ASTN2: variants seen among roughly 807,000 people sequenced by gnomAD.
ASTN2 encodes astrotactin 2.
ASTN2 carries 54 observed loss-of-function variants against 139.8 expected under a neutral mutation model. The ratio of observed to expected loss-of-function variants is 0.39; its 90% CI spans 0.31 to 0.48. The LOEUF is 0.48. Ranked by LOEUF, ASTN2 falls within the 20% of genes least tolerant of loss-of-function variation. The pLI, the probability that ASTN2 is intolerant of heterozygous loss-of-function variation, is 0.95. For missense variants in ASTN2, 1,565 were observed against 1,725.1 expected (o/e 0.91, Z 1.64); for synonymous variants, 756 against 719.5 (o/e 1.05, Z -0.81).
intron 3 of ASTN2, among the ~76,000 whole-genome samples, chr9:117,178,159 C>G (rs769059054): frequency 2.0e-5 from 3 of 152,176 alleles, no homozygotes; most frequent in Non-Finnish European, 4.4e-5. Context: ...ATTCTTTATT[C>G]TCTCTACTCC....
intron 11 of ASTN2, among the ~76,000 whole-genome samples, chr9:116,839,480 C>T (rs952324959): frequency 8.6e-5 from 13 of 151,732 alleles, no homozygotes; most frequent in African/African-American, 2.9e-4. Flanking sequence ...CCCCAAAGAT[C>T]GTTCATGTAC....
At chr9:116,923,757 C>T (rs1196749519) in intron 10 of ASTN2, among the ~76,000 whole-genome samples, 1 of 152,196 alleles carries the variant, frequency 6.6e-6, no homozygotes, top group African/African-American at 2.4e-5. Context: ...TGGAAGAAAG[C>T]TCAGCAGAGG....
At chr9:116,922,418 AG>A (rs1196783958) in intron 10 of ASTN2, among the ~76,000 whole-genome samples, 2 of 152,112 alleles carry the variant, frequency 1.3e-5, no homozygotes, top group Non-Finnish European at 2.9e-5. Flanking sequence ...TCATAGACTC[AG>A]GGGGCAATTT....
Position 117,016,658 on chromosome 9 carries a change from C to CATATATAGGTT in ASTN2, c.1424-8400_1424-8399insAACCTATATAT, listed in dbSNP as rs1564386091. ...TATATATATATATATATATATATAACCTATATATATGTTACATATATATAG... is the reference window on the plus strand; with the variant it reads ...TATATATATATATATATATATATAACATATATAGGTTCTATATATATGTTACATATATATAG... On this transcript the variant is annotated intron_variant, in intron 6 of 22. Coordinates refer to ENST00000313400, the MANE Select transcript of ASTN2 (RefSeq NM_001365068.1). 8.4e-3 allele frequency among the ~76,000 whole-genome samples: 89 copies of CATATATAGGTT among 10,612 alleles called. 11 individuals are homozygous for CATATATAGGTT. The highest frequency in any genetic ancestry group is 0.034 in the East Asian group (22 of 654). 7.0% of individuals were successfully genotyped at this position (10,612 alleles called of 152,430 possible).
At chr9:116,604,869 C>T (rs1397857216) in intron 19 of ASTN2, among the ~76,000 whole-genome samples, 1 of 152,076 alleles carries the variant, frequency 6.6e-6, no homozygotes, top group Non-Finnish European at 1.5e-5. Context: ...TTAATGATAA[C>T]AGGGACAGAG....
At chr9:116,807,913 C>T (rs1831068254) in intron 12 of ASTN2, among the ~76,000 whole-genome samples, 1 of 150,616 alleles carries the variant, frequency 6.6e-6, no homozygotes, top group South Asian at 2.1e-4. Flanking sequence ...CGTTCAAGAC[C>T]AGCCCAGCCA....
chr9:116,759,397 C>T lies in ASTN2; in HGVS notation c.2397-25874G>A, dbSNP rs564676180. On this transcript the variant is annotated intron_variant, in intron 13 of 22. Coordinates refer to ENST00000313400, the MANE Select transcript of ASTN2 (RefSeq NM_001365068.1). Reference sequence around the variant, plus strand: ...CTCAAAACATACATAACCGATTGTTCGCAATTTACCTATGAGGGCTCTGAG... The same window carrying T: ...CTCAAAACATACATAACCGATTGTTTGCAATTTACCTATGAGGGCTCTGAG... Among the ~76,000 whole-genome samples the T allele has an allele frequency of 1.8e-4, 28 of 152,136 alleles. 1 individual carries two copies. Among genetic ancestry groups the T allele is most frequent in the Admixed American group, 1.4e-3 (21 of 15,262 alleles).
intron 12 of ASTN2, 88 bp from the exon 13 acceptor site, chr9:116,805,908 C>T: frequency 1.5e-6 from 2 of 1,315,798 alleles, no homozygotes; most frequent in Non-Finnish European, 2.1e-6. Context: ...CCTTTCCCTG[C>T]AAAACAGGTC....
At chr9:117,302,549 A>C (rs938468750) in intron 1 of ASTN2, among the ~76,000 whole-genome samples, 8 of 152,114 alleles carry the variant, frequency 5.3e-5, no homozygotes, top group Non-Finnish European at 1.2e-4. Context: ...TCTCCTGAAG[A>C]TGCTGCCAAG....
chr9:116,851,471 C>CATCTATCTATCTATCTATCCATCCATCT (rs1554754214), intron 11 of ASTN2, among the ~76,000 whole-genome samples: 206 of 148,984 alleles, frequency 1.4e-3, no homozygotes, highest in African/African-American at 4.8e-3. Context: ...AATTGCTAAA[C>CATCTATCTATCTATCTATCCATCCATCT]ATCTATCTAT....
chr9:117,173,195 A>G (rs971395160), intron 3 of ASTN2, among the ~76,000 whole-genome samples: 4 of 152,194 alleles, frequency 2.6e-5, no homozygotes, highest in African/African-American at 9.6e-5. Flanking sequence ...AAACCACAGC[A>G]ATCCAAAACT....
At chr9:117,348,530 A>T (rs956275501) in intron 1 of ASTN2, among the ~76,000 whole-genome samples, 1 of 152,128 alleles carries the variant, frequency 6.6e-6, no homozygotes, top group Non-Finnish European at 1.5e-5. Context: ...AGAGAAATGG[A>T]TCTATTTACT....
intron 2 of ASTN2, among the ~76,000 whole-genome samples, chr9:117,266,578 G>C (rs536860113): frequency 5.3e-5 from 8 of 152,146 alleles, no homozygotes; most frequent in Non-Finnish European, 1.2e-4. Context: ...GCTGAGCATG[G>C]TACGTCCCTT....
intron 5 of ASTN2, among the ~76,000 whole-genome samples, chr9:117,076,025 T>C (rs1828271615): frequency 6.6e-6 from 1 of 152,202 alleles, no homozygotes; most frequent in Non-Finnish European, 1.5e-5. Context: ...GCCTGCTCCA[T>C]AGGCCCTGGG....
chr9:117,053,446 T>C (rs1016502922), intron 5 of ASTN2, among the ~76,000 whole-genome samples: 44 of 147,070 alleles, frequency 3.0e-4, no homozygotes, highest in Non-Finnish European at 5.4e-4. Context: ...AGAGAGACCC[T>C]GTCTCTTGAA....
chr9:117,359,895 A>G (rs1829646414), intron 1 of ASTN2, among the ~76,000 whole-genome samples: 1 of 151,966 alleles, frequency 6.6e-6, no homozygotes, highest in African/African-American at 2.4e-5. Context: ...TCAAGCAATA[A>G]TAAGTGGATG....
At chr9:117,110,988 T>A (rs1829235217) in intron 4 of ASTN2, among the ~76,000 whole-genome samples, 1 of 152,182 alleles carries the variant, frequency 6.6e-6, no homozygotes, top group South Asian at 2.1e-4. Flanking sequence ...ACTACACATG[T>A]GAAAGGCAGG....
At chr9:116,835,993 TC>T (rs1190151079) in intron 11 of ASTN2, among the ~76,000 whole-genome samples, 1 of 152,088 alleles carries the variant, frequency 6.6e-6, no homozygotes, top group Non-Finnish European at 1.5e-5. Context: ...CTACTGACAC[TC>T]ATCCAGCAGG....
intron 6 of ASTN2, among the ~76,000 whole-genome samples, chr9:117,030,649 A>G (rs984571705): frequency 3.8e-4 from 58 of 152,058 alleles, no homozygotes; most frequent in African/African-American, 1.4e-3. Context: ...CCCCCAAGCC[A>G]CTTGTCATTT....
Sources: gnomAD v4.1 joint callset for allele counts (sites outside exome capture counted in the v4.1 genomes callset) on GRCh38, gnomAD v4.1.1 for gene constraint, MANE v1.5 for transcripts, NCBI Gene and HGNC (gene_info 2026-07-23, HGNC 2026-07-21) for gene names.